CYLD: variants seen among roughly 807,000 people sequenced by gnomAD.
CYLD encodes the protein ubiquitin carboxyl-terminal hydrolase CYLD.
In CYLD, 26 loss-of-function variants were observed where a neutral mutation model predicts 104.5. That is an observed-to-expected ratio of 0.25 (90% CI 0.18 to 0.35). The LOEUF (loss-of-function observed/expected upper bound fraction) is 0.35. CYLD is among the 10% of genes least tolerant of loss of function. The probability of loss-of-function intolerance (pLI) is 1.00; values close to 1 mark genes in which losing one functional copy is unlikely to be tolerated. For missense variants in CYLD, 703 were observed against 1,136.1 expected (o/e 0.62, Z 5.48); for synonymous variants, 385 against 399.9 (o/e 0.96, Z 0.45).
chr16:50,742,321 C>G (rs1965743879), intron 1 of CYLD, 197 bp downstream of exon 1: 1 of 151,288 alleles, frequency 6.6e-6, no homozygotes, highest in African/African-American at 2.4e-5. Flanking sequence ...CCATCGGGCC[C>G]TCGGCGCCGG....
intron 1 of CYLD, 33 bp from the exon 2 acceptor site, chr16:50,742,729 C>CTTG (rs1965816703): frequency 2.5e-6 from 1 of 398,792 alleles, no homozygotes; most frequent in Non-Finnish European, 4.4e-6. Flanking sequence ...GGGTTCTGGC[C>CTTG]TTGTTAATGG....
chr16:50,760,087 C>G (rs1483728252), intron 5 of CYLD, among the ~76,000 whole-genome samples: 1 of 152,246 alleles, frequency 6.6e-6, no homozygotes, highest in Non-Finnish European at 1.5e-5. Context: ...GTCCACCTCT[C>G]TATTCACGTA....
intron 13 of CYLD, chr16:50,787,241 C>G: frequency 2.6e-6 from 1 of 384,418 alleles, no homozygotes; most frequent in Admixed American, 4.0e-5. Flanking sequence ...TTGTTTCTCT[C>G]TTGTGGTGCA....
chr16:50,769,667 C>T (rs1726190967), intron 5 of CYLD, among the ~76,000 whole-genome samples: 1 of 152,160 alleles, frequency 6.6e-6, no homozygotes, highest in Non-Finnish European at 1.5e-5. Context: ...CCAGCGGTAA[C>T]ATTAACATGT....
At chr16:50,748,324 A>G (rs1425705879) in intron 2 of CYLD, among the ~76,000 whole-genome samples, 1 of 152,160 alleles carries the variant, frequency 6.6e-6, no homozygotes, top group African/African-American at 2.4e-5. Flanking sequence ...TAGTTTTTTA[A>G]CCATCAGTTA....
At chr16:50,769,556 G>T (rs1968913088) in intron 5 of CYLD, among the ~76,000 whole-genome samples, 1 of 152,076 alleles carries the variant, frequency 6.6e-6, no homozygotes, top group African/African-American at 2.4e-5. Flanking sequence ...TATAAATTTT[G>T]AATACAAACC....
rs1050737738 is a variant in CYLD, at chr16:50,801,527, A to G, written c.*5019A>G. The G allele has an allele frequency of 2.1e-5, 5 of 233,840 alleles. No individual in the cohort carries two copies. Among genetic ancestry groups the G allele is most frequent in the African/African-American group, 8.8e-5 (4 of 45,488 alleles). The allele number at this position is 233,840 out of a possible 1,614,324, so 14.5% of individuals were successfully genotyped here. On this transcript the variant is annotated 3_prime_UTR_variant, in exon 19 of 19. Coordinates refer to ENST00000427738, the MANE Select transcript of CYLD (RefSeq NM_001378743.1). Reference sequence around the variant, plus strand: ...CTAGAGGGATTATATTGGAGACTCAACTGCCCTTGGTTTTAGTTTATAAAA... The same window carrying G: ...CTAGAGGGATTATATTGGAGACTCAGCTGCCCTTGGTTTTAGTTTATAAAA...
intron 2 of CYLD, chr16:50,744,619 T>C (rs1276338870): frequency 1.3e-5 from 2 of 152,376 alleles, no homozygotes; most frequent in Non-Finnish European, 2.9e-5. Flanking sequence ...TTATGAACAA[T>C]ATAACCTGAT....
At position 50,799,791 on chromosome 16, in the gene CYLD, A is replaced by C. The variant is rs1214497692; in HGVS notation, c.*3283A>C. The C allele has an allele frequency of 1.3e-5, 3 of 233,052 alleles. No homozygotes were observed. The allele number at this position is 233,052 out of a possible 1,614,324, so 14.4% of individuals were successfully genotyped here. A position where few individuals can be genotyped will look rare whatever the true frequency, so the allele number is the denominator to read the frequency against. On this transcript the variant is annotated 3_prime_UTR_variant, in exon 19 of 19. Coordinates refer to ENST00000427738, the MANE Select transcript of CYLD (RefSeq NM_001378743.1). ...GCTGGATCTTGAAAATTATCTGGCC[A>C]GATAATTTTGCATCTGCTTGGATGA...
At chr16:50,748,940 G>A (rs768946030) in intron 2 of CYLD, among the ~76,000 whole-genome samples, 4 of 152,186 alleles carry the variant, frequency 2.6e-5, no homozygotes, top group Non-Finnish European at 5.9e-5. Context: ...GGTGGCTTAC[G>A]ACTGTAATCC....
At chr16:50,762,473 T>A (rs912229912) in intron 5 of CYLD, among the ~76,000 whole-genome samples, 8 of 152,088 alleles carry the variant, frequency 5.3e-5, no homozygotes, top group African/African-American at 1.9e-4. Context: ...AGCCCTGTCA[T>A]TTCCCTACAC....
intron 5 of CYLD, among the ~76,000 whole-genome samples, chr16:50,766,931 C>G (rs1195961038): frequency 6.6e-6 from 1 of 152,192 alleles, no homozygotes; most frequent in Non-Finnish European, 1.5e-5. Flanking sequence ...GAGATGACAA[C>G]AAAGGATTTA....
intron 5 of CYLD, among the ~76,000 whole-genome samples, chr16:50,770,752 T>C (rs968578482): frequency 3.3e-5 from 5 of 152,080 alleles, no homozygotes; most frequent in Admixed American, 2.6e-4. Flanking sequence ...CACCCAGCCT[T>C]CGTATATATT....
chr16:50,774,214 T>A (rs1318748872), intron 5 of CYLD, among the ~76,000 whole-genome samples: 1 of 152,222 alleles, frequency 6.6e-6, no homozygotes, highest in Admixed American at 6.5e-5. Context: ...TTATATGCTA[T>A]AATTTAGGAA....
chr16:50,754,480 AT>A (rs2150912765), intron 5 of CYLD, 56 bp downstream of exon 5: 2 of 1,129,110 alleles, frequency 1.8e-6, no homozygotes, highest in Non-Finnish European at 2.6e-6. Flanking sequence ...TTAATTTTTT[AT>A]TTTTTTATAT....
At chr16:50,755,397 T>C (rs1027655892) in intron 5 of CYLD, among the ~76,000 whole-genome samples, 2 of 152,180 alleles carry the variant, frequency 1.3e-5, no homozygotes, top group African/African-American at 4.8e-5. Flanking sequence ...AGACTCCTAG[T>C]AGTGGGATTG....
At chr16:50,746,500 C>T (rs1273257396) in intron 2 of CYLD, among the ~76,000 whole-genome samples, 1 of 152,190 alleles carries the variant, frequency 6.6e-6, no homozygotes, top group Non-Finnish European at 1.5e-5. Context: ...AGAGGAAAGG[C>T]TGTATCCTTT....
In CYLD at chr16:50,772,066, T is replaced by G. The variant is rs541367912; in HGVS notation, c.914-3100T>G. On this transcript the variant is annotated intron_variant, in intron 5 of 18. Coordinates refer to ENST00000427738, the MANE Select transcript of CYLD (RefSeq NM_001378743.1). ...TTGCCTTTCCATATGCATTTTAGAGTAATCTTGTGTACATCTATACAAAAT... is the reference window on the plus strand; with the variant it reads ...TTGCCTTTCCATATGCATTTTAGAGGAATCTTGTGTACATCTATACAAAAT... Among the ~76,000 whole-genome samples, 24 of 152,322 alleles carry G rather than the reference T, an allele frequency of 1.6e-4. No homozygotes were observed. The South Asian group carries it at 2.5e-3, about 16-fold the overall frequency.
At chr16:50,787,537 G>A (rs1970973886) in intron 13 of CYLD, 1 of 418,316 alleles carries the variant, frequency 2.4e-6, no homozygotes. Flanking sequence ...TTCATTATGT[G>A]CAATGTGTTA....
Sources: allele counts gnomAD v4.1 joint callset (sites outside exome capture counted in the v4.1 genomes callset), GRCh38; gene constraint gnomAD v4.1.1; transcripts MANE v1.5; gene names NCBI Gene and HGNC (gene_info 2026-07-23, HGNC 2026-07-21).